Variants in HRH2 observed in about 807,000 individuals in gnomAD.
HRH2 encodes histamine H2 receptor.
In HRH2, 4 loss-of-function variants were observed where a neutral mutation model predicts 20.1. That is an observed-to-expected ratio of 0.20 (90% CI 0.10 to 0.45). The LOEUF (loss-of-function observed/expected upper bound fraction) is 0.45. Among genes scored for constraint, HRH2 ranks in the 20% least tolerant of loss-of-function variants. The probability of loss-of-function intolerance (pLI) is 0.99; values close to 1 mark genes in which losing one functional copy is unlikely to be tolerated. For synonymous variants in HRH2, 197 were observed against 200.7 expected (o/e 0.98, Z 0.16); for missense variants, 250 against 461.6 (o/e 0.54, Z 4.20).
chr5:175,680,471 G>A (rs1755925649), intron 1 of HRH2, among the ~76,000 whole-genome samples: 1 of 152,164 alleles, frequency 6.6e-6, no homozygotes, highest in Non-Finnish European at 1.5e-5. Flanking sequence ...CTGATTTTTG[G>A]CCCTTTCTGT....
At chr5:175,701,415 G>A (rs940600535) in intron 2 of HRH2, among the ~76,000 whole-genome samples, 6 of 152,134 alleles carry the variant, frequency 3.9e-5, no homozygotes, top group South Asian at 4.1e-4. Flanking sequence ...AAGCATGGTC[G>A]GACCCAAGGG....
chr5:175,705,840 T>C (rs962712960), intron 2 of HRH2, among the ~76,000 whole-genome samples: 2 of 152,136 alleles, frequency 1.3e-5, no homozygotes, highest in African/African-American at 4.8e-5. Flanking sequence ...TTTTTGTATT[T>C]TTTTTGTAAA....
At chr5:175,704,220 T>C (rs1188666864) in intron 2 of HRH2, among the ~76,000 whole-genome samples, 1 of 152,074 alleles carries the variant, frequency 6.6e-6, no homozygotes, top group African/African-American at 2.4e-5. Context: ...TGAACATACT[T>C]ACAAAAATTT....
At chr5:175,700,831 T>C (rs1296452627) in intron 2 of HRH2, among the ~76,000 whole-genome samples, 1 of 152,122 alleles carries the variant, frequency 6.6e-6, no homozygotes, top group Non-Finnish European at 1.5e-5. Flanking sequence ...AAGGTTGCAG[T>C]GAGCTGAGAT....
chr5:175,697,802 C>G (rs1756653596), intron 2 of HRH2, among the ~76,000 whole-genome samples: 1 of 152,246 alleles, frequency 6.6e-6, no homozygotes, highest in Non-Finnish European at 1.5e-5. Flanking sequence ...CTCTTCAGCC[C>G]CATACTTCTT....
intron 2 of HRH2, among the ~76,000 whole-genome samples, chr5:175,695,691 G>A (rs1015294761): frequency 5.3e-5 from 8 of 152,186 alleles, no homozygotes; most frequent in African/African-American, 1.9e-4. Context: ...TTAGTTCCTC[G>A]AACCCACATC....
At position 175,708,720 on chromosome 5, in the gene HRH2, G is replaced by GA. The variant is rs978543053; in HGVS notation, c.*750dup. On this transcript the variant is annotated 3_prime_UTR_variant, in exon 3 of 3. Coordinates refer to ENST00000636584, the MANE Select transcript of HRH2 (RefSeq NM_001367711.1). ...GACACTGCACTACACCACCTCTCAG[G>GA]AGAGAAGGCAAATATTTCCTTGACT... 1 of 152,226 alleles carries GA rather than the reference G, an allele frequency of 6.6e-6. No homozygotes were observed. The highest frequency in any genetic ancestry group is 1.5e-5 in the Non-Finnish European group (1 of 68,060). 9.4% of individuals were successfully genotyped at this position (152,226 alleles called of 1,614,324 possible).
chr5:175,676,968 T>G (rs1755781385), intron 1 of HRH2, among the ~76,000 whole-genome samples: 2 of 152,168 alleles, frequency 1.3e-5, no homozygotes, highest in South Asian at 4.1e-4. Flanking sequence ...ATACCACTGT[T>G]TCTGTTTCTT....
At position 175,683,212 on chromosome 5, in the gene HRH2, G is replaced by A; in HGVS notation, c.-22G>A. Reference sequence around the variant, plus strand: ...AAGCAACCAGGGGCCCTGATCAGGGGACTGAGCCGTAGAGTCCCAGGATGG... The same window carrying A: ...AAGCAACCAGGGGCCCTGATCAGGGAACTGAGCCGTAGAGTCCCAGGATGG... On this transcript the variant is annotated 5_prime_UTR_variant, in exon 2 of 3. Coordinates refer to ENST00000636584, the MANE Select transcript of HRH2 (RefSeq NM_001367711.1). 1.9e-6 allele frequency: 3 copies of A among 1,602,932 alleles called. No homozygotes were observed. The highest frequency in any genetic ancestry group is 2.6e-6 in the Non-Finnish European group (3 of 1,172,526).
At chr5:175,673,422 C>A (rs1755634913) in intron 1 of HRH2, among the ~76,000 whole-genome samples, 1 of 152,106 alleles carries the variant, frequency 6.6e-6, no homozygotes, top group Non-Finnish European at 1.5e-5. Context: ...CCTTTTCTAG[C>A]CCCTCACTTC....
chr5:175,701,489 G>A (rs538091204), intron 2 of HRH2, among the ~76,000 whole-genome samples: 20 of 152,260 alleles, frequency 1.3e-4, no homozygotes, highest in Admixed American at 9.8e-4. Context: ...TCGGATTGCC[G>A]CTGTAATCCT....
At position 175,677,341 on chromosome 5, in the gene HRH2, C is replaced by A. The variant is rs1648752964; in HGVS notation, c.-525-5368C>A. Among the ~76,000 whole-genome samples, 1 of 152,204 alleles carries A rather than the reference C, an allele frequency of 6.6e-6. No homozygotes were observed. Among genetic ancestry groups the A allele is most frequent in the South Asian group, 2.1e-4 (1 of 4,836 alleles). ...ATGGACATGTAGGTTGATTCCATAT[C>A]TTAGCTACTGTGAATAGTGCTGTGA... On this transcript the variant is annotated intron_variant, in intron 1 of 2. Transcript: ENST00000636584. The surrounding 1 kb of genome is among the most constrained non-coding windows in gnomAD (Gnocchi z 4.2).
intron 1 of HRH2, among the ~76,000 whole-genome samples, chr5:175,675,281 G>C (rs987869369): frequency 1.3e-5 from 2 of 152,114 alleles, no homozygotes; most frequent in South Asian, 4.1e-4. Flanking sequence ...AAGAGATATG[G>C]GGTCCCATAT....
intron 1 of HRH2, among the ~76,000 whole-genome samples, chr5:175,669,364 C>CTTTT (rs33964139): frequency 2.3e-4 from 30 of 133,114 alleles, no homozygotes; most frequent in Non-Finnish European, 3.5e-4. Context: ...TTCTTTCTTT[C>CTTTT]TTTTTTTTTT....
rs182462510 is a variant in HRH2 at position 175,684,467 on chromosome 5, C to T, written c.1076+158C>T. On this transcript the variant is annotated intron_variant, in intron 2 of 2. Transcript: ENST00000636584. ...ACACCCTCTTGCTTAATCCTCCCAA[C>T]GGCCCCCAAAGGTAGAACTTAGCTC... The T allele has an allele frequency of 2.0e-4, 115 of 573,832 alleles. 1 individual carries two copies. The East Asian group carries it at 6.5e-3, about 33-fold the overall frequency. The allele number at this position is 573,832 out of a possible 1,614,324, so 35.5% of individuals were successfully genotyped here.
intron 1 of HRH2, among the ~76,000 whole-genome samples, chr5:175,660,365 C>A (rs73802987): frequency 0.075 from 11,466 of 152,180 alleles, 781 homozygotes; most frequent in African/African-American, 0.18. Context: ...GCCTAAATGT[C>A]CAACAGTAGG....
intron 1 of HRH2, among the ~76,000 whole-genome samples, chr5:175,682,210 T>G (rs2113516521): frequency 6.6e-6 from 1 of 152,334 alleles, no homozygotes; most frequent in African/African-American, 2.4e-5. Flanking sequence ...TCTGAAAAAG[T>G]TTGTCGGCCA....
chr5:175,696,391 A>T (rs1018930130), intron 2 of HRH2, among the ~76,000 whole-genome samples: 1 of 152,176 alleles, frequency 6.6e-6, no homozygotes, highest in East Asian at 1.9e-4. Flanking sequence ...TAAGGCAGGG[A>T]GCCCCCCACT....
chr5:175,705,860 T>G (rs1174607688), intron 2 of HRH2, among the ~76,000 whole-genome samples: 1 of 152,084 alleles, frequency 6.6e-6, no homozygotes, highest in South Asian at 2.1e-4. Flanking sequence ...AGACAAGGTT[T>G]CACCATGTTG....
Sources: gnomAD v4.1 joint callset for allele counts (sites outside exome capture counted in the v4.1 genomes callset) on GRCh38, gnomAD v4.1.1 for gene constraint, Gnocchi (gnomAD v3.1) non-coding constraint, MANE v1.5 for transcripts, NCBI Gene and HGNC (gene_info 2026-07-23, HGNC 2026-07-21) for gene names.